Variants in TTC28 observed in about 807,000 individuals in gnomAD.
TTC28 encodes the protein tetratricopeptide repeat protein 28.
TTC28 carries 61 observed loss-of-function variants against 198.0 expected under a neutral mutation model. That is an observed-to-expected ratio of 0.31 (90% CI 0.25 to 0.38). TTC28 has a LOEUF of 0.38. Ranked by LOEUF, TTC28 falls within the 10% of genes least tolerant of loss-of-function variation. TTC28 has a pLI of 1.00. For synonymous variants in TTC28, 1,171 were observed against 1,297.8 expected (o/e 0.90, Z 2.10); for missense variants, 2,678 against 3,164.0 (o/e 0.85, Z 3.69).
chr22:28,004,896 A>G (rs1447817019), intron 14 of TTC28, among the ~76,000 whole-genome samples: 1 of 152,218 alleles, frequency 6.6e-6, no homozygotes, highest in Non-Finnish European at 1.5e-5. Context: ...GAGACATTCA[A>G]GGAAACACTA....
chr22:28,273,416 T>C (rs1359078188), intron 5 of TTC28, among the ~76,000 whole-genome samples: 1 of 152,004 alleles, frequency 6.6e-6, no homozygotes, highest in Non-Finnish European at 1.5e-5. Context: ...AGAACTGGAT[T>C]CTGTTAAAAA....
At chr22:28,674,713 G>A (rs2051951352) in intron 1 of TTC28, among the ~76,000 whole-genome samples, 1 of 151,718 alleles carries the variant, frequency 6.6e-6, no homozygotes, top group South Asian at 2.1e-4. Flanking sequence ...CAACTACTTG[G>A]GAGGCTGAGG....
chr22:28,295,572 C>T (rs548202076), intron 5 of TTC28, among the ~76,000 whole-genome samples: 2 of 152,320 alleles, frequency 1.3e-5, no homozygotes, highest in South Asian at 4.1e-4. Flanking sequence ...CAAGATCCCA[C>T]AGCCAGGAAG....
chr22:28,004,694 A>G (rs1034899152), intron 14 of TTC28, among the ~76,000 whole-genome samples: 3 of 152,230 alleles, frequency 2.0e-5, no homozygotes, highest in Admixed American at 1.3e-4. Context: ...GCAGGCTGAC[A>G]GCTGCCGTTC....
intron 2 of TTC28, among the ~76,000 whole-genome samples, chr22:28,577,295 A>G (rs2050166090): frequency 6.6e-6 from 1 of 152,020 alleles, no homozygotes; most frequent in Non-Finnish European, 1.5e-5. Context: ...ATTCCTCACT[A>G]TTGATTTCCA....
At chr22:28,156,363 C>T (rs1032351140) in intron 6 of TTC28, among the ~76,000 whole-genome samples, 6 of 152,116 alleles carry the variant, frequency 3.9e-5, no homozygotes, top group Non-Finnish European at 8.8e-5. Flanking sequence ...TGGCAGCTGA[C>T]AGGGGCAAAG....
chr22:28,014,587 A>T (rs2146585021), intron 13 of TTC28, among the ~76,000 whole-genome samples, 195 bp from the exon 14 acceptor site: 1 of 152,370 alleles, frequency 6.6e-6, no homozygotes, highest in South Asian at 2.1e-4. Context: ...CACTGTCAGA[A>T]ACCGCAGGGT....
intron 2 of TTC28, among the ~76,000 whole-genome samples, chr22:28,365,332 T>G (rs1055130319): frequency 1.3e-5 from 2 of 152,350 alleles, no homozygotes; most frequent in East Asian, 3.9e-4. Flanking sequence ...ATGACTTGCT[T>G]TATTGCAGTA....
chr22:28,029,455 G>A (rs1355521333), intron 13 of TTC28, among the ~76,000 whole-genome samples: 2 of 152,172 alleles, frequency 1.3e-5, no homozygotes, highest in African/African-American at 4.8e-5. Context: ...CCCTTTAAAG[G>A]CAGGCCTTCA....
chr22:28,392,403 AAGCAAGCCTG>A (rs2046742394), intron 2 of TTC28, among the ~76,000 whole-genome samples: 1 of 152,084 alleles, frequency 6.6e-6, no homozygotes, highest in Non-Finnish European at 1.5e-5. Context: ...TTGTTTACCT[AAGCAAGCCTG>A]GGCAATGGCG....
chr22:28,528,137 A>T (rs912101974), intron 2 of TTC28, among the ~76,000 whole-genome samples: 75 of 152,366 alleles, frequency 4.9e-4, no homozygotes, highest in South Asian at 4.1e-4. Flanking sequence ...GGGTAGAATG[A>T]AAAGCACAGG....
At chr22:28,160,581 A>C (rs992699022) in intron 6 of TTC28, among the ~76,000 whole-genome samples, 2 of 152,220 alleles carry the variant, frequency 1.3e-5, no homozygotes, top group African/African-American at 2.4e-5. Context: ...GTATGTTACA[A>C]TCCAAGATTT....
intron 11 of TTC28, 151 bp downstream of exon 11, chr22:28,096,039 C>G: frequency 8.2e-7 from 1 of 1,224,374 alleles, no homozygotes; most frequent in Admixed American, 3.5e-5. Context: ...AATGCCCCAC[C>G]ACGGCATATC....
intron 12 of TTC28, among the ~76,000 whole-genome samples, chr22:28,079,993 T>G (rs1471929808): frequency 6.6e-6 from 1 of 152,232 alleles, no homozygotes; most frequent in African/African-American, 2.4e-5. Flanking sequence ...CCTCTCGAAG[T>G]GCTGAGATTA....
chr22:28,075,019 C>CA (rs1941122216), intron 12 of TTC28, among the ~76,000 whole-genome samples: 1 of 152,026 alleles, frequency 6.6e-6, no homozygotes, highest in East Asian at 1.9e-4. Flanking sequence ...ACTCAGGAGG[C>CA]AGAGGTTTCA....
At chr22:28,524,829 T>C (rs1415602183) in intron 2 of TTC28, among the ~76,000 whole-genome samples, 1 of 152,168 alleles carries the variant, frequency 6.6e-6, no homozygotes, top group Non-Finnish European at 1.5e-5. Flanking sequence ...TAAATTCATG[T>C]ATATACTTTT....
chr22:28,201,751 C>CAAAAAAAAAAAAAAAAAAAAAAAAAAAA (rs34790960), intron 5 of TTC28, among the ~76,000 whole-genome samples: 1 of 81,010 alleles, frequency 1.2e-5, no homozygotes, highest in African/African-American at 5.0e-5. Context: ...TTACAGAAAG[C>CAAAAAAAAAAAAAAAAAAAAAAAAAAAA]AAAAAAAAAA....
At chr22:28,030,986 G>A (rs1939051988) in intron 12 of TTC28, among the ~76,000 whole-genome samples, 1 of 152,242 alleles carries the variant, frequency 6.6e-6, no homozygotes, top group South Asian at 2.1e-4. Flanking sequence ...TCCAAGCTCA[G>A]CATGAGGAGG....
intron 6 of TTC28, among the ~76,000 whole-genome samples, chr22:28,145,382 G>A (rs529675924): frequency 3.3e-5 from 5 of 152,232 alleles, no homozygotes; most frequent in South Asian, 2.1e-4. Context: ...TAGGTCAGCC[G>A]TCTTGGCACC....
Sources: gnomAD v4.1 joint callset for allele counts (sites outside exome capture counted in the v4.1 genomes callset) on GRCh38, gnomAD v4.1.1 for gene constraint, MANE v1.5 for transcripts, NCBI Gene and HGNC (gene_info 2026-07-23, HGNC 2026-07-21) for gene names.